GMPS: variants seen among roughly 807,000 people sequenced by gnomAD.
GMPS encodes the protein guanosine monophosphate synthase.
GMPS carries 15 observed loss-of-function variants against 77.9 expected under a neutral mutation model. The ratio of observed to expected loss-of-function variants is 0.19; its 90% confidence interval spans 0.13 to 0.30. The LOEUF (loss-of-function observed/expected upper bound fraction) is 0.30, where lower values mean the gene tolerates loss of function less well. Ranked by LOEUF, GMPS falls within the 10% of genes least tolerant of loss-of-function variation. The pLI, the probability that GMPS is intolerant of heterozygous loss-of-function variation, is 1.00. For missense variants in GMPS, 590 were observed against 838.8 expected (o/e 0.70, Z 3.66); for synonymous variants, 224 against 275.9 (o/e 0.81, Z 1.86).
chr3:155,922,321 A>G lies in GMPS; in HGVS notation c.1434+19A>G. 1.1e-6 allele frequency: 1 copy of G among 915,534 alleles called. No homozygotes were observed. The highest frequency in any genetic ancestry group is 1.7e-6 in the Non-Finnish European group (1 of 596,598). 56.7% of individuals were successfully genotyped at this position (915,534 alleles called of 1,614,324 possible). On this transcript the variant is annotated intron_variant, in intron 11 of 15. Coordinates refer to ENST00000496455, the MANE Select transcript of GMPS (RefSeq NM_003875.3). ...TAAAAAGGTAATATTTGATACAGCT[A>G]ATCATTACAAGAAATTGAACGGATT...
chr3:155,928,670 A>G (rs1209262569), intron 12 of GMPS, among the ~76,000 whole-genome samples: 24 of 138,352 alleles, frequency 1.7e-4, no homozygotes, highest in African/African-American at 4.3e-4. Context: ...ATATCTCCCA[A>G]TGCTATCCCT....
chr3:155,901,333 A>C (rs1010858818), intron 3 of GMPS, among the ~76,000 whole-genome samples: 3 of 152,090 alleles, frequency 2.0e-5, no homozygotes, highest in African/African-American at 7.2e-5. Flanking sequence ...ATGTTAGTAC[A>C]TTTTATTGTA....
chr3:155,871,088 C>T (rs1203910447), intron 1 of GMPS, among the ~76,000 whole-genome samples, 191 bp downstream of exon 1: 2 of 152,076 alleles, frequency 1.3e-5, no homozygotes, highest in South Asian at 2.1e-4. Context: ...AGCGGCGATG[C>T]TTTGTTGATC....
intron 12 of GMPS, among the ~76,000 whole-genome samples, chr3:155,928,998 T>C (rs1205022998): frequency 6.6e-5 from 10 of 151,208 alleles, no homozygotes; most frequent in African/African-American, 1.2e-4. Flanking sequence ...AATAAACATA[T>C]GTGTGCATGT....
chr3:155,901,769 T>C (rs1754744266), intron 3 of GMPS, among the ~76,000 whole-genome samples: 1 of 152,188 alleles, frequency 6.6e-6, no homozygotes, highest in South Asian at 2.1e-4. Flanking sequence ...CCATTTGTGT[T>C]TACTATAGAC....
rs777551637 is a variant in GMPS at position 155,932,381 on chromosome 3, C to A, written c.1676+501C>A. 2.8e-4 allele frequency among the ~76,000 whole-genome samples: 42 copies of A among 151,496 alleles called. 2 individuals carry two copies. Among genetic ancestry groups the A allele is most frequent in the Non-Finnish European group, 5.3e-4 (36 of 67,890 alleles). On this transcript the variant is annotated intron_variant, in intron 13 of 15. Coordinates refer to ENST00000496455, the MANE Select transcript of GMPS (RefSeq NM_003875.3). The stretch of plus-strand genomic sequence containing the variant: ...GACTTGGTTAATTTAGTAGTAACCC[C>A]AAGGAAAAAAATCAAAGAAAAGAAA...
At chr3:155,883,644 A>T (rs1267748078) in intron 1 of GMPS, among the ~76,000 whole-genome samples, 1 of 152,150 alleles carries the variant, frequency 6.6e-6, no homozygotes, top group African/African-American at 2.4e-5. Context: ...CTTCTTTGCA[A>T]GATGCCTTTG....
chr3:155,900,129 A>G (rs893137495), intron 3 of GMPS, among the ~76,000 whole-genome samples: 3 of 152,144 alleles, frequency 2.0e-5, no homozygotes, highest in Admixed American at 2.0e-4. Flanking sequence ...AGTATATTCT[A>G]AGGAGAGTAA....
In GMPS at chr3:155,938,054, C is replaced by A; in HGVS notation, c.*362C>A. The stretch of plus-strand genomic sequence containing the variant: ...CTGTCTCCTTACCAGTTTCTAAGAA[C>A]TGTTAGAAACGCCCATTATTTACCA... On this transcript the variant is annotated 3_prime_UTR_variant, in exon 16 of 16. Transcript: ENST00000496455. 1 of 246,418 alleles carries A rather than the reference C, an allele frequency of 4.1e-6. No homozygotes were observed. The highest frequency in any genetic ancestry group is 7.9e-6 in the Non-Finnish European group (1 of 126,720). The allele number at this position is 246,418 out of a possible 1,614,324, so 15.3% of individuals were successfully genotyped here.
intron 2 of GMPS, among the ~76,000 whole-genome samples, chr3:155,895,933 A>G (rs1754590523): frequency 6.6e-6 from 1 of 152,104 alleles, no homozygotes; most frequent in African/African-American, 2.4e-5. Flanking sequence ...AACTAAATAT[A>G]ATATAATAGA....
chr3:155,896,556 T>C (rs1754607910), intron 2 of GMPS, among the ~76,000 whole-genome samples: 2 of 150,662 alleles, frequency 1.3e-5, no homozygotes, highest in African/African-American at 4.9e-5. Context: ...TGCTGAGTAT[T>C]TTTTTTTTCT....
In GMPS at chr3:155,925,287, A is replaced by T; in HGVS notation, c.1481A>T (p.Asp494Val). 1 of 1,612,726 alleles carries T rather than the reference A, an allele frequency of 6.2e-7. No individual in the cohort carries two copies. The highest frequency in any genetic ancestry group is 8.5e-7 in the Non-Finnish European group (1 of 1,178,722). The change falls in exon 12 of 16, where the codon GAT (aspartate) becomes GTT (valine). Residue 494 changes from aspartate to valine, a missense_variant. Asp to Val is a radical substitution (Grantham distance 152, BLOSUM62 -3). Around this residue, in one of 6 missense-constraint regions of GMPS, gnomAD observed 89 missense variants for 95.9 expected, o/e 0.93. Transcript: ENST00000496455. The stretch of plus-strand genomic sequence containing the variant: ...GTCAAAGCCTGCACAACAGAAGAGG[A>T]TCAGGAGAAGCTGATGCAAATTACC... ...QRVKACTTEEDQEKLMQITSL... is the reference protein window; with the variant it reads ...QRVKACTTEEVQEKLMQITSL...
chr3:155,913,329 T>C (rs1755086825), intron 7 of GMPS, among the ~76,000 whole-genome samples: 2 of 152,186 alleles, frequency 1.3e-5, no homozygotes, highest in Non-Finnish European at 2.9e-5. Context: ...TTTCTTGTCA[T>C]TAAATAAAAA....
intron 5 of GMPS, among the ~76,000 whole-genome samples, chr3:155,910,112 G>A (rs920637057): frequency 1.3e-5 from 2 of 152,082 alleles, no homozygotes; most frequent in East Asian, 1.9e-4. Context: ...CGAGCGTGGT[G>A]GCACACACCT....
intron 3 of GMPS, among the ~76,000 whole-genome samples, chr3:155,899,527 A>G (rs185613785): frequency 9.9e-5 from 15 of 152,044 alleles, no homozygotes; most frequent in Non-Finnish European, 1.8e-4. Context: ...TCCAACCTCT[A>G]CACATGCATA....
intron 2 of GMPS, among the ~76,000 whole-genome samples, chr3:155,895,081 T>C (rs1490792838): frequency 6.6e-6 from 1 of 152,188 alleles, no homozygotes; most frequent in Non-Finnish European, 1.5e-5. Context: ...ATAGGATAGC[T>C]GAATACTTGG....
At position 155,938,536 on chromosome 3, in the gene GMPS, G is replaced by A; in HGVS notation, c.*844G>A. On this transcript the variant is annotated 3_prime_UTR_variant, in exon 16 of 16. Transcript: ENST00000496455. ...CTGGTGTAGTGCAGATAGAGGTCAAGAGGAGCATTTTCATCTCTTCTTTTG... is the reference window on the plus strand; with the variant it reads ...CTGGTGTAGTGCAGATAGAGGTCAAAAGGAGCATTTTCATCTCTTCTTTTG... The A allele has an allele frequency of 4.8e-6, 1 of 208,266 alleles. No individual in the cohort carries two copies. The highest frequency in any genetic ancestry group is 9.8e-6 in the Non-Finnish European group (1 of 102,116). 12.9% of individuals were successfully genotyped at this position (208,266 alleles called of 1,614,324 possible).
At chr3:155,916,213 T>C in intron 9 of GMPS, 21 bp downstream of exon 9, 1 of 1,519,000 alleles carries the variant, frequency 6.6e-7, no homozygotes, top group Non-Finnish European at 9.1e-7. Flanking sequence ...ATGAAAACTT[T>C]TTCATAAAGT....
intron 1 of GMPS, among the ~76,000 whole-genome samples, chr3:155,872,184 A>G (rs1214300978): frequency 6.6e-6 from 1 of 152,202 alleles, no homozygotes; most frequent in Non-Finnish European, 1.5e-5. Context: ...CAAGGGTCAC[A>G]TCTTAGGAGG....
Sources: gnomAD v4.1 joint callset for allele counts (sites outside exome capture counted in the v4.1 genomes callset) on GRCh38, gnomAD v4.1.1 for gene constraint, gnomAD v4.1.1 regional missense constraint, MANE v1.5 for transcripts, NCBI Gene and HGNC (gene_info 2026-07-23, HGNC 2026-07-21) for gene names.